Variants in CPQ observed in about 807,000 individuals in gnomAD.
CPQ encodes Ser-Met dipeptidase.
A neutral mutation model predicts 45.7 loss-of-function variants in CPQ; 37 were observed. The ratio of observed to expected loss-of-function variants is 0.81; its 90% CI spans 0.62 to 1.07. The LOEUF (loss-of-function observed/expected upper bound fraction) is 1.07, where lower values mean the gene tolerates loss of function less well. CPQ is among the 50% of genes least tolerant of loss of function. CPQ has a pLI of 0.00. For missense variants in CPQ, 537 were observed against 572.9 expected, an observed-to-expected ratio of 0.94 and a Z score of 0.64; for synonymous variants, 186 against 205.8, an observed-to-expected ratio of 0.90 and a Z score of 0.82.
chr8:96,995,244 TA>T (rs1809158261), intron 5 of CPQ, among the ~76,000 whole-genome samples: 1 of 152,022 alleles, frequency 6.6e-6, no homozygotes. Context: ...TTAAATGAGA[TA>T]AAAATTTATA....
intron 5 of CPQ, among the ~76,000 whole-genome samples, chr8:96,988,916 G>A (rs1052978511): frequency 6.6e-5 from 10 of 151,954 alleles, no homozygotes; most frequent in Admixed American, 2.6e-4. Flanking sequence ...TATTCTCTTC[G>A]CAGGAAATAC....
At chr8:96,718,451 A>G (rs911403772) in intron 1 of CPQ, among the ~76,000 whole-genome samples, 2 of 151,094 alleles carry the variant, frequency 1.3e-5, no homozygotes, top group African/African-American at 4.9e-5. Flanking sequence ...GCGCGTCTGG[A>G]GTTGTTCGTT....
At chr8:96,848,898 TC>T (rs1811734570) in intron 3 of CPQ, among the ~76,000 whole-genome samples, 1 of 152,220 alleles carries the variant, frequency 6.6e-6, no homozygotes, top group South Asian at 2.1e-4. Context: ...GAAATTTCAA[TC>T]TTTTCTCAAG....
intron 6 of CPQ, among the ~76,000 whole-genome samples, chr8:97,030,489 T>C (rs980985060): frequency 2.0e-5 from 3 of 152,182 alleles, no homozygotes; most frequent in Non-Finnish European, 4.4e-5. Context: ...GGACAACTTA[T>C]GACCTATGCC....
chr8:96,852,510 A>G (rs1474623966), intron 3 of CPQ, among the ~76,000 whole-genome samples: 2 of 152,186 alleles, frequency 1.3e-5, no homozygotes, highest in African/African-American at 4.8e-5. Context: ...TGACACTCAA[A>G]GAAAGAGCTC....
intron 3 of CPQ, among the ~76,000 whole-genome samples, chr8:96,867,707 C>T (rs1042310544): frequency 2.2e-4 from 33 of 151,854 alleles, no homozygotes; most frequent in African/African-American, 7.0e-4. Flanking sequence ...ATTGAGGTAA[C>T]GGTATATGCA....
At chr8:96,705,040 A>G (rs1026292742) in intron 1 of CPQ, among the ~76,000 whole-genome samples, 4 of 152,132 alleles carry the variant, frequency 2.6e-5, no homozygotes, top group African/African-American at 9.7e-5. Context: ...AGAGGGCTTC[A>G]TTCAGGCTAA....
chr8:96,835,267 C>A, intron 3 of CPQ, 87 bp downstream of exon 3: 2 of 1,051,462 alleles, frequency 1.9e-6, no homozygotes, highest in South Asian at 2.6e-5. Flanking sequence ...ACAAACCATT[C>A]AAATGAAAAT....
At chr8:96,780,326 G>A (rs1431282733) in intron 1 of CPQ, among the ~76,000 whole-genome samples, 2 of 152,092 alleles carry the variant, frequency 1.3e-5, no homozygotes, top group African/African-American at 4.8e-5. Context: ...GTAAGTGGAG[G>A]CATTTGCCAG....
At chr8:96,837,487 C>T (rs974738254) in intron 3 of CPQ, among the ~76,000 whole-genome samples, 2 of 152,140 alleles carry the variant, frequency 1.3e-5, no homozygotes, top group Middle Eastern at 3.2e-3. Context: ...TGACTTCTTT[C>T]TCATGTTTTC....
At chr8:96,895,062 C>T (rs778686088) in intron 4 of CPQ, among the ~76,000 whole-genome samples, 45 of 152,288 alleles carry the variant, frequency 3.0e-4, no homozygotes, top group Non-Finnish European at 2.2e-4. Flanking sequence ...GTGTTACCCA[C>T]TGTGATAGGC....
At chr8:96,905,727 TC>T in intron 4 of CPQ, among the ~76,000 whole-genome samples, 1 of 147,080 alleles carries the variant, frequency 6.8e-6, no homozygotes, top group South Asian at 2.2e-4. Flanking sequence ...ATGGTGAAAT[TC>T]CTTTTGAAAA....
At position 96,832,509 on chromosome 8, in the gene CPQ, A is replaced by G. The variant is rs549338737; in HGVS notation, c.434-2464A>G. ...GACACACAAACAAGAATGAACATGG[A>G]CCCAAATGGAGGAAATTACAGTTTA... On this transcript the variant is annotated intron_variant, in intron 2 of 7. Coordinates refer to ENST00000220763, the MANE Select transcript of CPQ (RefSeq NM_016134.4). 3.9e-5 allele frequency among the ~76,000 whole-genome samples: 6 copies of G among 152,142 alleles called. No homozygotes were observed. In the South Asian group the frequency reaches 1.2e-3, roughly 31 times the overall value.
chr8:96,875,796 T>C (rs942032571), intron 3 of CPQ, among the ~76,000 whole-genome samples: 1 of 152,010 alleles, frequency 6.6e-6, no homozygotes, highest in Non-Finnish European at 1.5e-5. Flanking sequence ...GATTTCCATA[T>C]GAATTTTATA....
chr8:96,674,636 A>G (rs1477140660), intron 1 of CPQ, among the ~76,000 whole-genome samples: 1 of 152,132 alleles, frequency 6.6e-6, no homozygotes, highest in Non-Finnish European at 1.5e-5. Context: ...CTAAAGAGGA[A>G]AGAGATTCAA....
At chr8:97,014,866 CATG>C (rs1809552882) in intron 5 of CPQ, among the ~76,000 whole-genome samples, 1 of 151,824 alleles carries the variant, frequency 6.6e-6, no homozygotes, top group African/African-American at 2.4e-5. Context: ...TAAAAAGGAG[CATG>C]ATAACAGAAG....
intron 2 of CPQ, among the ~76,000 whole-genome samples, chr8:96,820,160 T>A (rs1811281641): frequency 6.6e-6 from 1 of 152,046 alleles, no homozygotes; most frequent in South Asian, 2.1e-4. Context: ...TTCAACATTG[T>A]CTTGTCCCTT....
intron 3 of CPQ, among the ~76,000 whole-genome samples, chr8:96,855,284 C>G (rs907016280): frequency 2.0e-5 from 3 of 152,178 alleles, no homozygotes; most frequent in African/African-American, 7.2e-5. Flanking sequence ...ATAACAATCA[C>G]AGCCATCCTT....
rs568306727 is a variant in CPQ at position 96,673,547 on chromosome 8, C to A, written c.-35+28145C>A. Among the ~76,000 whole-genome samples, 10 of 152,152 alleles carry A rather than the reference C, an allele frequency of 6.6e-5. No individual in the cohort carries two copies. In the East Asian group the frequency reaches 1.9e-3, roughly 29 times the overall value. On this transcript the variant is annotated intron_variant, in intron 1 of 7. Coordinates refer to ENST00000220763, the MANE Select transcript of CPQ (RefSeq NM_016134.4). ...AAGGGGTGTGTTGTAAAGGGAGTAGCCTCTGATACTTTTGTTACATGGGCT... is the reference window on the plus strand; with the variant it reads ...AAGGGGTGTGTTGTAAAGGGAGTAGACTCTGATACTTTTGTTACATGGGCT...
Sources: gnomAD v4.1 joint callset for allele counts (sites outside exome capture counted in the v4.1 genomes callset) on GRCh38, gnomAD v4.1.1 for gene constraint, MANE v1.5 for transcripts, NCBI Gene and HGNC (gene_info 2026-07-23, HGNC 2026-07-21) for gene names.